The following SCGB2B2 variants were observed in gnomAD, a reference collection of about 807,000 sequenced individuals.
SCGB2B2 encodes secretoglobin family 2B member 2, also known as secretoglobin-like protein.
SCGB2B2 carries 11 observed loss-of-function variants against 7.6 expected under a neutral mutation model. That is an observed-to-expected ratio of 1.45 (90% CI 0.91 to 2.40). The LOEUF is 2.40. Ranked by LOEUF, SCGB2B2 falls within the 30% of genes most tolerant of loss-of-function variation. The probability of loss-of-function intolerance (pLI) is 0.00; values close to 1 mark genes in which losing one functional copy is unlikely to be tolerated. For missense variants in SCGB2B2, 104 were observed against 115.4 expected, an observed-to-expected ratio of 0.90 and a Z score of 0.45; for synonymous variants, 50 against 48.6, an observed-to-expected ratio of 1.03 and a Z score of -0.12.
intron 1 of SCGB2B2, among the ~76,000 whole-genome samples, chr19:34,669,119 G>T (rs944569651): frequency 6.6e-6 from 1 of 152,064 alleles, no homozygotes; most frequent in African/African-American, 2.4e-5. Flanking sequence ...AACCCACCAG[G>T]AGGAACTAAC....
intron 1 of SCGB2B2, among the ~76,000 whole-genome samples, chr19:34,641,173 T>C (rs1027766743): frequency 3.9e-5 from 6 of 152,162 alleles, no homozygotes; most frequent in African/African-American, 7.2e-5. Context: ...GTTTTGTTCA[T>C]AGGGCCTCCT....
At chr19:34,670,019 G>A (rs1038759667) in intron 1 of SCGB2B2, among the ~76,000 whole-genome samples, 1 of 152,164 alleles carries the variant, frequency 6.6e-6, no homozygotes, top group Non-Finnish European at 1.5e-5. Flanking sequence ...GGCCTATAGT[G>A]TTGGTCTCTG....
intron 1 of SCGB2B2, among the ~76,000 whole-genome samples, chr19:34,638,448 CAAA>C (rs59332569): frequency 7.5e-6 from 1 of 133,744 alleles, no homozygotes; most frequent in Non-Finnish European, 1.6e-5. Context: ...GTCTCCAAAA[CAAA>C]AAAAAAAAGG....
In SCGB2B2 at chr19:34,668,188, C is replaced by G. The variant is rs575664761; in HGVS notation, c.-2032+7442G>C. ...CGGCTCCCTCAGCTTGCAGGGAGGT[C>G]TGGAGGGAGAGGCGCGAGCGGGAAC... On this transcript the variant is annotated intron_variant, in intron 1 of 3. Coordinates refer to ENST00000601241, the MANE Select transcript of SCGB2B2 (RefSeq NM_001025591.4). Among the ~76,000 whole-genome samples the G allele has an allele frequency of 2.0e-5, 3 of 152,282 alleles. No individual in the cohort carries two copies. The South Asian group carries it at 6.2e-4, about 32-fold the overall frequency.
At chr19:34,630,352 GC>G (rs889770440) in intron 1 of SCGB2B2, among the ~76,000 whole-genome samples, 5 of 151,844 alleles carry the variant, frequency 3.3e-5, no homozygotes. Context: ...GAAAATTTTT[GC>G]AATCTACTCA....
chr19:34,652,712 G>A lies in SCGB2B2; in HGVS notation c.-2032+22918C>T, dbSNP rs1019025758. ...ATGAAAAAGACAAAAGATACCAAAC[G>A]CTGGTGAGGAAGCAAAGAAGAGGGA... On this transcript the variant is annotated intron_variant, in intron 1 of 3. Transcript: ENST00000601241. Among the ~76,000 whole-genome samples, 9 of 151,362 alleles carry A rather than the reference G, an allele frequency of 5.9e-5. No homozygotes were observed. The East Asian group carries it at 1.7e-3, about 29-fold the overall frequency.
At chr19:34,631,119 T>C (rs1338031909) in intron 1 of SCGB2B2, among the ~76,000 whole-genome samples, 2 of 46,768 alleles carry the variant, frequency 4.3e-5, no homozygotes, top group Non-Finnish European at 7.9e-5. Context: ...TGTTGTGGGG[T>C]GGGGGGAGGG....
chr19:34,631,038 C>T (rs576724975), intron 1 of SCGB2B2, among the ~76,000 whole-genome samples: 62 of 146,310 alleles, frequency 4.2e-4, no homozygotes, highest in African/African-American at 1.5e-3. Context: ...ACTGTATGTT[C>T]TCACTCATAG....
chr19:34,644,909 G>A (rs1019668322), intron 1 of SCGB2B2, among the ~76,000 whole-genome samples: 2 of 151,942 alleles, frequency 1.3e-5, no homozygotes, highest in Admixed American at 6.5e-5. Flanking sequence ...GAACCTGTGT[G>A]AGGGGCTTTA....
chr19:34,666,363 A>G (rs1483040860), intron 1 of SCGB2B2, among the ~76,000 whole-genome samples: 1 of 152,024 alleles, frequency 6.6e-6, no homozygotes, highest in African/African-American at 2.4e-5. Context: ...CCGACAGCGC[A>G]TTCTACTCAC....
intron 1 of SCGB2B2, chr19:34,635,105 C>T: frequency 7.1e-6 from 2 of 280,660 alleles, no homozygotes; most frequent in Non-Finnish European, 7.5e-6. Context: ...TAAGGCTTTG[C>T]CCCAGTGTGA....
At chr19:34,640,213 C>G (rs528201640) in intron 1 of SCGB2B2, among the ~76,000 whole-genome samples, 1 of 152,188 alleles carries the variant, frequency 6.6e-6, no homozygotes, top group Non-Finnish European at 1.5e-5. Context: ...GGGATCCCCC[C>G]ACCTCAGCCT....
Position 34,613,679 on chromosome 19 carries a change from T to C in SCGB2B2, c.-2031-17085A>G, listed in dbSNP as rs1420430781. On this transcript the variant is annotated intron_variant, in intron 1 of 3. Transcript: ENST00000601241. ...GGATTTCTGTAGTGATAACCTTTGA[T>C]TCCTTTCTTTTTCTCCTTTATGTAT... Among the ~76,000 whole-genome samples, 9 of 152,318 alleles carry C rather than the reference T, an allele frequency of 5.9e-5. No homozygotes were observed. The East Asian group carries it at 1.5e-3, about 26-fold the overall frequency.
chr19:34,631,469 A>T (rs773095291), intron 1 of SCGB2B2, among the ~76,000 whole-genome samples: 19 of 152,170 alleles, frequency 1.2e-4, no homozygotes, highest in Non-Finnish European at 2.5e-4. Context: ...TTCTATAAAA[A>T]TTGTATTTCT....
intron 1 of SCGB2B2, among the ~76,000 whole-genome samples, chr19:34,628,829 T>C (rs939860152): frequency 2.6e-5 from 4 of 151,860 alleles, no homozygotes; most frequent in Non-Finnish European, 5.9e-5. Context: ...AAAAGAATTT[T>C]AGACCAATAT....
chr19:34,664,518 C>T (rs140798788), intron 1 of SCGB2B2, among the ~76,000 whole-genome samples: 16 of 152,320 alleles, frequency 1.1e-4, no homozygotes, highest in Non-Finnish European at 2.2e-4. Context: ...GGCTGAGGGA[C>T]GTGGCTCAGG....
chr19:34,621,061 T>TGAAA (rs1387983640), intron 1 of SCGB2B2, among the ~76,000 whole-genome samples: 1 of 152,358 alleles, frequency 6.6e-6, no homozygotes, highest in East Asian at 1.9e-4. Context: ...TTCCTATTCC[T>TGAAA]GAAAGATTAA....
chr19:34,669,940 T>C (rs116320674), intron 1 of SCGB2B2, among the ~76,000 whole-genome samples: 3,415 of 152,308 alleles, frequency 0.022, 108 homozygotes, highest in African/African-American at 0.078. Flanking sequence ...GGGGTTCCCA[T>C]GGGAAAAGCC....
In SCGB2B2 at chr19:34,595,343, C is replaced by T. The variant is rs945643411; in HGVS notation, c.-780G>A. 1.3e-5 allele frequency: 2 copies of T among 152,476 alleles called. No homozygotes were observed. Among genetic ancestry groups the T allele is most frequent in the African/African-American group, 4.8e-5 (2 of 41,444 alleles). The allele number at this position is 152,476 out of a possible 1,614,324, so 9.4% of individuals were successfully genotyped here. ...CACTATTTATTGAGTACAGTCCCTTCGATCTAAGAAGCAGATGTTCAGGGA... is the reference window on the plus strand; with the variant it reads ...CACTATTTATTGAGTACAGTCCCTTTGATCTAAGAAGCAGATGTTCAGGGA... On this transcript the variant is annotated 5_prime_UTR_variant, in exon 2 of 4. Coordinates refer to ENST00000601241, the MANE Select transcript of SCGB2B2 (RefSeq NM_001025591.4).
Sources: gnomAD v4.1 joint callset for allele counts (sites outside exome capture counted in the v4.1 genomes callset) on GRCh38, gnomAD v4.1.1 for gene constraint, MANE v1.5 for transcripts, NCBI Gene and HGNC (gene_info 2026-07-23, HGNC 2026-07-21) for gene names.